Variants in RBBP4 observed in about 807,000 individuals in gnomAD.
The protein encoded by RBBP4 is RB binding protein 4, chromatin remodeling factor.
Under a neutral mutation model 57.2 loss-of-function variants are expected in RBBP4, and 3 were observed. That is an observed-to-expected ratio of 0.05 (90% CI 0.02 to 0.14). The LOEUF (loss-of-function observed/expected upper bound fraction) is 0.14, where lower values mean the gene tolerates loss of function less well. Among genes scored for constraint, RBBP4 ranks in the 10% least tolerant of loss-of-function variants. The pLI is 1.00. For missense variants in RBBP4, 107 were observed against 520.6 expected (o/e 0.21, Z 7.73); for synonymous variants, 151 against 171.5 (o/e 0.88, Z 0.93).
chr1:32,668,129 G>C (rs576417924), intron 3 of RBBP4, 96 bp from the exon 4 acceptor site: 12 of 1,187,380 alleles, frequency 1.0e-5, no homozygotes, highest in Admixed American at 2.8e-5. Context: ...CCAGTTTGTT[G>C]CTAAGGAAAA....
intron 3 of RBBP4, among the ~76,000 whole-genome samples, 148 bp from the exon 4 acceptor site, chr1:32,668,068 GGAAAGCACT>G (rs1648730427): frequency 1.3e-5 from 2 of 151,772 alleles, no homozygotes; most frequent in African/African-American, 4.8e-5. Context: ...CACGGGGGTA[GGAAAGCACT>G]TTATAGTGCT....
intron 3 of RBBP4, among the ~76,000 whole-genome samples, chr1:32,661,316 T>TTTTTG (rs1557853859): frequency 6.7e-6 from 1 of 150,270 alleles, no homozygotes; most frequent in East Asian, 1.9e-4. Flanking sequence ...TTTTTTTTTT[T>TTTTTG]TGAGATGGAG....
chr1:32,654,395 G>A (rs1570832673), intron 2 of RBBP4, among the ~76,000 whole-genome samples: 1 of 152,186 alleles, frequency 6.6e-6, no homozygotes, highest in African/African-American at 2.4e-5. Flanking sequence ...AAGAACTTGT[G>A]GCAGAGTACT....
Position 32,669,372 on chromosome 1 carries a change from T to C in RBBP4, c.888+15T>C. On this transcript the variant is annotated intron_variant, in intron 7 of 11. Coordinates refer to ENST00000373493, the MANE Select transcript of RBBP4 (RefSeq NM_005610.3). This position sits in a 1 kb window ranked among gnomAD's most constrained non-coding sequence, Gnocchi z 4.9. ...CAGCTGACAAGGTCAGTTTCGTTTA[T>C]TTTAATAGAAAACATAATTTCTCTA... The C allele has an allele frequency of 6.3e-7, 1 of 1,586,700 alleles. No individual in the cohort carries two copies. The highest frequency in any genetic ancestry group is 8.5e-7 in the Non-Finnish European group (1 of 1,172,666).
Position 32,685,254 on chromosome 1 carries a change from C to T in RBBP4, c.*5549C>T, listed in dbSNP as rs1445666962. The T allele has an allele frequency of 6.6e-6, 1 of 152,174 alleles. No homozygotes were observed. Among genetic ancestry groups the T allele is most frequent in the Non-Finnish European group, 1.5e-5 (1 of 68,038 alleles). 9.4% of individuals were successfully genotyped at this position (152,174 alleles called of 1,614,324 possible). A position where few individuals can be genotyped will look rare whatever the true frequency, so the allele number is the denominator to read the frequency against. On this transcript the variant is annotated 3_prime_UTR_variant, in exon 12 of 12. Transcript: ENST00000373493. ...CTTGGGAGCCCTCAGATAACTTTCT[C>T]ATTCTTCCAGAATCAGGCTGGGATG...
chr1:32,673,780 T>C (rs1648976250), intron 11 of RBBP4, among the ~76,000 whole-genome samples: 1 of 152,140 alleles, frequency 6.6e-6, no homozygotes. Context: ...ATAACTGTGG[T>C]GTCTCATACA....
intron 2 of RBBP4, 84 bp from the exon 3 acceptor site, chr1:32,657,343 T>C: frequency 2.2e-6 from 3 of 1,341,316 alleles, no homozygotes; most frequent in Non-Finnish European, 3.1e-6. Flanking sequence ...GTTGTATTAG[T>C]GACTTTGACA....
At position 32,651,907 on chromosome 1, in the gene RBBP4, A is replaced by T; in HGVS notation, c.17-7A>T. 6.2e-7 allele frequency: 1 copy of T among 1,613,104 alleles called. No homozygotes were observed. Among genetic ancestry groups the T allele is most frequent in the Non-Finnish European group, 8.5e-7 (1 of 1,179,640 alleles). ...TGCTAACTTAAATTTGTTTTTAAAA[A>T]TTTTAGCAGCCTTCGACGACGCAGT... On this transcript the variant is annotated splice_polypyrimidine_tract_variant and splice_region_variant and intron_variant, in intron 1 of 11. Transcript: ENST00000373493.
In RBBP4 at chr1:32,682,874, T is replaced by A. The variant is rs952698698; in HGVS notation, c.*3169T>A. The A allele has an allele frequency of 6.6e-6, 1 of 152,216 alleles. No homozygotes were observed. Among genetic ancestry groups the A allele is most frequent in the African/African-American group, 2.4e-5 (1 of 41,454 alleles). The allele number at this position is 152,216 out of a possible 1,614,324, so 9.4% of individuals were successfully genotyped here. A position where few individuals can be genotyped will look rare whatever the true frequency, so the allele number is the denominator to read the frequency against. On this transcript the variant is annotated 3_prime_UTR_variant, in exon 12 of 12. Coordinates refer to ENST00000373493, the MANE Select transcript of RBBP4 (RefSeq NM_005610.3). Reference sequence around the variant, plus strand: ...GACACGGACTTTCTTTTATCCTTAGTTTCTTTCACGGACTCTAGAACTTTT... The same window carrying A: ...GACACGGACTTTCTTTTATCCTTAGATTCTTTCACGGACTCTAGAACTTTT...
rs1413765095 is a variant in RBBP4, at chr1:32,684,219, C to G, written c.*4514C>G. 1 of 1,611,596 alleles carries G rather than the reference C, an allele frequency of 6.2e-7. No individual in the cohort carries two copies. Among genetic ancestry groups the G allele is most frequent in the East Asian group, 2.2e-5 (1 of 44,830 alleles). On this transcript the variant is annotated 3_prime_UTR_variant, in exon 12 of 12. Transcript: ENST00000373493. ...CTAAGCCCTCCCACCATCCCCTCAG[C>G]CAGTATTAGATGAGATTTGTATAGC...
chr1:32,672,225 T>G (rs1213082388), intron 8 of RBBP4, among the ~76,000 whole-genome samples: 2 of 151,998 alleles, frequency 1.3e-5, no homozygotes, highest in African/African-American at 2.4e-5. Flanking sequence ...CCTGACCTCA[T>G]GTGATCCACC....
chr1:32,667,611 AC>A (rs138886831), intron 3 of RBBP4, among the ~76,000 whole-genome samples: 1 of 152,212 alleles, frequency 6.6e-6, no homozygotes, highest in African/African-American at 2.4e-5. Context: ...ATCTCCGCAC[AC>A]GGGGAGAACA....
rs1649364739 is a variant in RBBP4 at position 32,680,452 on chromosome 1, A to C, written c.*747A>C. On this transcript the variant is annotated 3_prime_UTR_variant, in exon 12 of 12. Transcript: ENST00000373493. ...ACCACAGGTAGACTGTCAAGTTGAG[A>C]AGAGTGAATCAATAACTTGTATTTG... 9 of 1,520,484 alleles carry C rather than the reference A, an allele frequency of 5.9e-6. No homozygotes were observed. The South Asian group carries it at 1.1e-4, about 19-fold the overall frequency. The allele number at this position is 1,520,484 out of a possible 1,614,324, so 94.2% of individuals were successfully genotyped here.
At chr1:32,667,688 GTAA>G (rs1181432748) in intron 3 of RBBP4, among the ~76,000 whole-genome samples, 11 of 152,150 alleles carry the variant, frequency 7.2e-5, no homozygotes, top group Admixed American at 7.2e-4. Flanking sequence ...ATTTCAGATA[GTAA>G]TATAATACAG....
intron 8 of RBBP4, 80 bp from the exon 9 acceptor site, chr1:32,672,370 A>C: frequency 8.7e-7 from 1 of 1,145,682 alleles, no homozygotes; most frequent in Non-Finnish European, 1.2e-6. Flanking sequence ...CAAAATTTTT[A>C]AATTGTTAAA....
chr1:32,651,470 T>A, intron 1 of RBBP4, 148 bp downstream of exon 1: 1 of 1,359,716 alleles, frequency 7.4e-7, no homozygotes, highest in Non-Finnish European at 9.5e-7. Context: ...CCGCGGGGCG[T>A]GCTAACGGCT....
chr1:32,684,163 TTTTG>T lies in RBBP4; in HGVS notation c.*4462_*4465del. 1 of 1,606,248 alleles carries T rather than the reference TTTTG, an allele frequency of 6.2e-7. No individual in the cohort carries two copies. Among genetic ancestry groups the T allele is most frequent in the Non-Finnish European group, 8.5e-7 (1 of 1,175,294 alleles). ...TTGAAAATCATTTCCCAAATCCTCTTTTTGTTTTTGATTCTAAGGTAAAATTTTC... is the reference window on the plus strand; with the variant it reads ...TTGAAAATCATTTCCCAAATCCTCTTTTTTTGATTCTAAGGTAAAATTTTC... On this transcript the variant is annotated 3_prime_UTR_variant, in exon 12 of 12. Coordinates refer to ENST00000373493, the MANE Select transcript of RBBP4 (RefSeq NM_005610.3).
At chr1:32,678,272 G>A (rs1649200237) in intron 11 of RBBP4, among the ~76,000 whole-genome samples, 2 of 152,154 alleles carry the variant, frequency 1.3e-5, no homozygotes, top group South Asian at 4.1e-4. Context: ...TGCCCCCCAG[G>A]CTGGAGTGCA....
Position 32,680,706 on chromosome 1 carries a change from C to T in RBBP4, c.*1001C>T, listed in dbSNP as rs888205383. The T allele has an allele frequency of 2.8e-5, 18 of 639,636 alleles. No homozygotes were observed. The African/African-American group carries it at 2.9e-4, about 10-fold the overall frequency. 39.6% of individuals were successfully genotyped at this position (639,636 alleles called of 1,614,324 possible). The stretch of plus-strand genomic sequence containing the variant: ...TAAAACATCCATCAAACACCAGTCT[C>T]TGGCTTCTAGAAGAGTCCTTCAGAT... On this transcript the variant is annotated 3_prime_UTR_variant, in exon 12 of 12. Coordinates refer to ENST00000373493, the MANE Select transcript of RBBP4 (RefSeq NM_005610.3).
Sources: allele counts gnomAD v4.1 joint callset (sites outside exome capture counted in the v4.1 genomes callset), GRCh38; gene constraint gnomAD v4.1.1; non-coding constraint Gnocchi (gnomAD v3.1); transcripts MANE v1.5; gene names NCBI Gene and HGNC (gene_info 2026-07-23, HGNC 2026-07-21).